GMDS: variants seen among roughly 807,000 people sequenced by gnomAD.
GMDS encodes GDP-mannose 4,6 dehydratase.
In GMDS, 20 loss-of-function variants were observed where a neutral mutation model predicts 49.9. The ratio of observed to expected loss-of-function variants is 0.40; its 90% CI spans 0.28 to 0.58. The LOEUF (loss-of-function observed/expected upper bound fraction) is 0.58. Ranked by LOEUF, GMDS falls within the 20% of genes least tolerant of loss-of-function variation. The pLI, the probability that GMDS is intolerant of heterozygous loss-of-function variation, is 0.42. For missense variants in GMDS, 362 were observed against 481.4 expected, an observed-to-expected ratio of 0.75 and a Z score of 2.32; for synonymous variants, 177 against 178.6, an observed-to-expected ratio of 0.99 and a Z score of 0.07.
chr6:1,740,692 T>A (rs1188251835), intron 8 of GMDS, among the ~76,000 whole-genome samples: 2 of 152,040 alleles, frequency 1.3e-5, no homozygotes, highest in South Asian at 4.1e-4. Context: ...GGCCAATTTT[T>A]TTTTTTGAAA....
chr6:1,831,420 A>C (rs184165772), intron 7 of GMDS, among the ~76,000 whole-genome samples: 2 of 152,372 alleles, frequency 1.3e-5, no homozygotes, highest in Admixed American at 1.3e-4. Flanking sequence ...TATGAACTGC[A>C]AAACACTAAA....
chr6:1,642,544 G>C (rs1763363923), intron 9 of GMDS, among the ~76,000 whole-genome samples: 1 of 152,140 alleles, frequency 6.6e-6, no homozygotes, highest in Admixed American at 6.5e-5. Context: ...GGTTTTGTCA[G>C]GGAGAAAATA....
intron 6 of GMDS, among the ~76,000 whole-genome samples, chr6:1,955,176 A>G (rs1272053289): frequency 1.1e-4 from 17 of 152,210 alleles, no homozygotes; most frequent in Admixed American, 1.1e-3. Context: ...AAGCAATAAA[A>G]TAACATATGC....
intron 1 of GMDS, among the ~76,000 whole-genome samples, chr6:2,193,863 A>G (rs2127571255): frequency 6.6e-6 from 1 of 151,332 alleles, no homozygotes; most frequent in African/African-American, 2.4e-5. Flanking sequence ...AGGTGGAACT[A>G]CAGGCATCCA....
intron 8 of GMDS, among the ~76,000 whole-genome samples, chr6:1,741,017 T>G (rs567370227): frequency 1.3e-5 from 2 of 152,310 alleles, no homozygotes; most frequent in East Asian, 3.9e-4. Flanking sequence ...CAGTATCTCT[T>G]TTTCTGAGTG....
intron 7 of GMDS, among the ~76,000 whole-genome samples, chr6:1,899,354 C>A (rs1279945322): frequency 6.6e-6 from 1 of 151,634 alleles, no homozygotes; most frequent in African/African-American, 2.4e-5. Context: ...TTAGTAATAT[C>A]TAACTTTATT....
intron 9 of GMDS, among the ~76,000 whole-genome samples, chr6:1,638,868 G>C (rs1763244370): frequency 1.3e-5 from 2 of 152,198 alleles, no homozygotes; most frequent in East Asian, 1.9e-4. Context: ...CATGAGTAGA[G>C]TGAGTCTGGA....
intron 9 of GMDS, among the ~76,000 whole-genome samples, chr6:1,714,833 C>T (rs1300421416): frequency 2.0e-5 from 3 of 152,248 alleles, no homozygotes; most frequent in African/African-American, 7.2e-5. Context: ...GAGATTTTCC[C>T]ACAATGTGCA....
intron 7 of GMDS, among the ~76,000 whole-genome samples, chr6:1,862,114 A>G (rs1413390938): frequency 1.3e-5 from 2 of 152,216 alleles, no homozygotes; most frequent in East Asian, 3.8e-4. Flanking sequence ...GACAATAACT[A>G]GAACAGGAAG....
At chr6:1,916,692 C>A (rs150497367) in intron 7 of GMDS, among the ~76,000 whole-genome samples, 174 of 152,186 alleles carry the variant, frequency 1.1e-3, no homozygotes, top group African/African-American at 4.0e-3. Context: ...CAATACCACG[C>A]GCAATTAAAC....
At chr6:1,814,818 CAAATT>C (rs971928924) in intron 7 of GMDS, among the ~76,000 whole-genome samples, 2 of 151,960 alleles carry the variant, frequency 1.3e-5, no homozygotes, top group African/African-American at 4.8e-5. Context: ...TTATATAAAA[CAAATT>C]AAACAACTGG....
chr6:2,013,745 A>G (rs2127396890), intron 4 of GMDS, among the ~76,000 whole-genome samples: 1 of 152,034 alleles, frequency 6.6e-6, no homozygotes, highest in Admixed American at 6.5e-5. Context: ...AAAGAGAATA[A>G]AAGAAATGAA....
At chr6:1,835,593 A>AC (rs149526843) in intron 7 of GMDS, among the ~76,000 whole-genome samples, 5,013 of 152,286 alleles carry the variant, frequency 0.033, 257 homozygotes, top group African/African-American at 0.11. Flanking sequence ...GGCTTGATAA[A>AC]CCAACTATTT....
chr6:2,192,567 C>T (rs890773738), intron 1 of GMDS, among the ~76,000 whole-genome samples: 7 of 152,222 alleles, frequency 4.6e-5, no homozygotes, highest in Non-Finnish European at 1.0e-4. Flanking sequence ...TTCTTTGGGG[C>T]CCCATGGTTC....
intron 4 of GMDS, among the ~76,000 whole-genome samples, chr6:1,984,774 C>T (rs1765442773): frequency 1.3e-5 from 2 of 152,150 alleles, no homozygotes; most frequent in Admixed American, 6.5e-5. Flanking sequence ...AACAGCTTAG[C>T]TTAAATAATT....
At chr6:1,729,476 G>A (rs1432208200) in intron 8 of GMDS, among the ~76,000 whole-genome samples, 1 of 152,196 alleles carries the variant, frequency 6.6e-6, no homozygotes, top group Admixed American at 6.5e-5. Flanking sequence ...ATCAGGAAAT[G>A]GCTCAAAGCT....
At chr6:2,073,632 ACT>A (rs1436852304) in intron 4 of GMDS, among the ~76,000 whole-genome samples, 2 of 151,638 alleles carry the variant, frequency 1.3e-5, no homozygotes, top group African/African-American at 2.4e-5. Flanking sequence ...CATTGACCAA[ACT>A]CTCTTTATCT....
At chr6:2,229,301 G>C (rs1780967375) in intron 1 of GMDS, among the ~76,000 whole-genome samples, 1 of 151,538 alleles carries the variant, frequency 6.6e-6, no homozygotes, top group Non-Finnish European at 1.5e-5. Context: ...GCTGTGCATG[G>C]TGATTCATGC....
intron 6 of GMDS, among the ~76,000 whole-genome samples, chr6:1,936,754 G>A (rs1357502928): frequency 6.6e-6 from 1 of 152,120 alleles, no homozygotes; most frequent in African/African-American, 2.4e-5. Flanking sequence ...ATCAACTGAG[G>A]TCAGGAGTTT....
Sources: allele counts gnomAD v4.1 joint callset (sites outside exome capture counted in the v4.1 genomes callset), GRCh38; gene constraint gnomAD v4.1.1; transcripts MANE v1.5; gene names NCBI Gene and HGNC (gene_info 2026-07-23, HGNC 2026-07-21).